Variants in PRICKLE1 observed in about 807,000 individuals in gnomAD.
PRICKLE1 encodes prickle-like protein 1.
PRICKLE1 carries 14 observed loss-of-function variants against 70.2 expected under a neutral mutation model. That is an observed-to-expected ratio of 0.20 (90% CI 0.13 to 0.31). The LOEUF (loss-of-function observed/expected upper bound fraction) is 0.31, where lower values mean the gene tolerates loss of function less well. Ranked by LOEUF, PRICKLE1 falls within the 10% of genes least tolerant of loss-of-function variation. The pLI, the probability that PRICKLE1 is intolerant of heterozygous loss-of-function variation, is 1.00. For missense variants in PRICKLE1, 821 were observed against 1,026.2 expected (o/e 0.80, Z 2.73); for synonymous variants, 357 against 379.9 (o/e 0.94, Z 0.70).
intron 1 of PRICKLE1, among the ~76,000 whole-genome samples, chr12:42,572,943 T>A (rs750478915): frequency 6.6e-6 from 1 of 152,202 alleles, no homozygotes; most frequent in African/African-American, 2.4e-5. Flanking sequence ...AGGTCACCCA[T>A]GCAGAGCATC....
rs745482621 is a variant in PRICKLE1 at position 42,459,402 on chromosome 12, C to A, written c.*407G>T. On this transcript the variant is annotated 3_prime_UTR_variant, in exon 8 of 8. Coordinates refer to ENST00000345127, the MANE Select transcript of PRICKLE1 (RefSeq NM_153026.3). ...CAGGCATGCCTCACACCAAGACGGA[C>A]TATCAAGACCTGAGCCGACCTGACT... The A allele has an allele frequency of 4.3e-5, 30 of 701,068 alleles. No homozygotes were observed. Among genetic ancestry groups the A allele is most frequent in the South Asian group, 2.4e-4 (16 of 67,296 alleles). The allele number at this position is 701,068 out of a possible 1,614,324, so 43.4% of individuals were successfully genotyped here.
intron 1 of PRICKLE1, among the ~76,000 whole-genome samples, chr12:42,491,030 G>A (rs1030499308): frequency 2.0e-5 from 3 of 151,248 alleles, no homozygotes; most frequent in African/African-American, 4.9e-5. Flanking sequence ...ATGCGCCACC[G>A]TGCCTGGCTA....
chr12:42,465,657 TA>T, intron 6 of PRICKLE1: 1 of 277,106 alleles, frequency 3.6e-6, no homozygotes, highest in Non-Finnish European at 6.8e-6. Flanking sequence ...GTTTACTGTT[TA>T]AAATGGCCCC....
chr12:42,511,417 A>G (rs1029696382), intron 1 of PRICKLE1, among the ~76,000 whole-genome samples: 1 of 152,222 alleles, frequency 6.6e-6, no homozygotes, highest in Non-Finnish European at 1.5e-5. Context: ...AAAAATAAGA[A>G]TAAAAGACTA....
rs1020635180 is a variant in PRICKLE1, at chr12:42,456,899, C to G, written c.*2910G>C. 2 of 152,110 alleles carry G rather than the reference C, an allele frequency of 1.3e-5. No individual in the cohort carries two copies. Among genetic ancestry groups the G allele is most frequent in the Admixed American group, 6.6e-5 (1 of 15,264 alleles). The allele number at this position is 152,110 out of a possible 1,614,324, so 9.4% of individuals were successfully genotyped here. Reference sequence around the variant, plus strand: ...GCTTCAAAGTTACATTATTGCCAGACGCAGTGGCTCATGCCTGTAATCCCC... The same window carrying G: ...GCTTCAAAGTTACATTATTGCCAGAGGCAGTGGCTCATGCCTGTAATCCCC... On this transcript the variant is annotated 3_prime_UTR_variant, in exon 8 of 8. Coordinates refer to ENST00000345127, the MANE Select transcript of PRICKLE1 (RefSeq NM_153026.3).
chr12:42,526,486 T>C (rs1390130794), intron 1 of PRICKLE1, among the ~76,000 whole-genome samples: 1 of 152,068 alleles, frequency 6.6e-6, no homozygotes. Flanking sequence ...AAAAAAGTGA[T>C]GGAAGTGTCA....
chr12:42,508,246 C>CT (rs1939453047), intron 1 of PRICKLE1, among the ~76,000 whole-genome samples: 1 of 152,320 alleles, frequency 6.6e-6, no homozygotes, highest in South Asian at 2.1e-4. Context: ...CACGCTCATA[C>CT]TGCTTCAAGG....
chr12:42,509,106 G>A (rs528332867), intron 1 of PRICKLE1, among the ~76,000 whole-genome samples: 9 of 152,268 alleles, frequency 5.9e-5, no homozygotes, highest in East Asian at 1.9e-4. Flanking sequence ...CCCTGTACTC[G>A]CAGAGGAGAC....
intron 2 of PRICKLE1, among the ~76,000 whole-genome samples, chr12:42,471,387 C>T (rs1938316378): frequency 6.6e-6 from 1 of 152,138 alleles, no homozygotes; most frequent in Non-Finnish European, 1.5e-5. Flanking sequence ...TAGGGCCTGT[C>T]TACTTCAATA....
chr12:42,526,609 G>A (rs891754825), intron 1 of PRICKLE1, among the ~76,000 whole-genome samples: 1 of 151,992 alleles, frequency 6.6e-6, no homozygotes, highest in Admixed American at 6.6e-5. Context: ...TGGAGGAGCC[G>A]ACTGGGACCA....
chr12:42,491,100 C>T lies in PRICKLE1; in HGVS notation c.-48-18536G>A, dbSNP rs958299445. On this transcript the variant is annotated intron_variant, in intron 1 of 7. Coordinates refer to ENST00000345127, the MANE Select transcript of PRICKLE1 (RefSeq NM_153026.3). ...ATGTTGGCCAGGCTGGTCTCGAACT[C>T]CTGACCTCAGGGGATCTGCCCGCCT... is the stretch of plus-strand genomic sequence containing the variant. Among the ~76,000 whole-genome samples the T allele has an allele frequency of 1.6e-4, 24 of 149,532 alleles. No individual in the cohort carries two copies. The Admixed American group carries it at 1.6e-3, about 10-fold the overall frequency.
chr12:42,500,664 C>CT (rs11448078), intron 1 of PRICKLE1, among the ~76,000 whole-genome samples: 7,092 of 142,746 alleles, frequency 0.05, 190 homozygotes, highest in South Asian at 0.092. Flanking sequence ...CATTAATTTT[C>CT]TTTTTTTTTT....
intron 1 of PRICKLE1, among the ~76,000 whole-genome samples, chr12:42,491,187 CTT>C (rs1177443010): frequency 3.3e-5 from 5 of 151,588 alleles, no homozygotes; most frequent in Non-Finnish European, 7.4e-5. Flanking sequence ...TAAGCTCAAA[CTT>C]TATCTTCCTG....
intron 1 of PRICKLE1, among the ~76,000 whole-genome samples, chr12:42,540,265 A>G (rs1940089338): frequency 6.6e-6 from 1 of 152,234 alleles, no homozygotes. Flanking sequence ...GCTCTGATAG[A>G]AAGATGGCTG....
intron 1 of PRICKLE1, among the ~76,000 whole-genome samples, chr12:42,547,472 C>G (rs1462581002): frequency 6.6e-6 from 1 of 152,178 alleles, no homozygotes; most frequent in Non-Finnish European, 1.5e-5. Context: ...GGAGTTGGAG[C>G]TGAACCCAGC....
At chr12:42,485,500 GA>G (rs1350202376) in intron 1 of PRICKLE1, 1 of 152,092 alleles carries the variant, frequency 6.6e-6, no homozygotes, top group African/African-American at 2.4e-5. Flanking sequence ...TTCCTCTGTG[GA>G]TCTGTAAAAT....
chr12:42,559,348 C>G (rs1940461104), intron 1 of PRICKLE1, among the ~76,000 whole-genome samples: 2 of 152,114 alleles, frequency 1.3e-5, no homozygotes, highest in African/African-American at 4.8e-5. Context: ...ACTTGCCATG[C>G]TAACAGAAAT....
At chr12:42,511,361 C>A (rs528188103) in intron 1 of PRICKLE1, among the ~76,000 whole-genome samples, 6 of 152,158 alleles carry the variant, frequency 3.9e-5, no homozygotes, top group Admixed American at 2.0e-4. Context: ...CTGCAGATAA[C>A]CCAGAGTAAT....
At chr12:42,491,445 C>T (rs1275221850) in intron 1 of PRICKLE1, among the ~76,000 whole-genome samples, 2 of 151,386 alleles carry the variant, frequency 1.3e-5, no homozygotes, top group Non-Finnish European at 2.9e-5. Flanking sequence ...CCCAGCTTCT[C>T]GGGAGGCTGA....
Sources: gnomAD v4.1 joint callset for allele counts (sites outside exome capture counted in the v4.1 genomes callset) on GRCh38, gnomAD v4.1.1 for gene constraint, MANE v1.5 for transcripts, NCBI Gene and HGNC (gene_info 2026-07-23, HGNC 2026-07-21) for gene names.